Variants in CYB5R4 observed in about 807,000 individuals in gnomAD.
CYB5R4 encodes the protein N-terminal cytochrome b5 and cytochrome b5 oxidoreductase domain-containing protein.
In CYB5R4, 55 loss-of-function variants were observed where a neutral mutation model predicts 70.2. The ratio of observed to expected loss-of-function variants is 0.78; its 90% CI spans 0.63 to 0.98. The LOEUF (loss-of-function observed/expected upper bound fraction) is 0.98, where lower values mean the gene tolerates loss of function less well. Ranked by LOEUF, CYB5R4 falls within the 50% of genes least tolerant of loss-of-function variation. The probability of loss-of-function intolerance (pLI) is 0.00; values close to 1 mark genes in which losing one functional copy is unlikely to be tolerated. For missense variants in CYB5R4, 562 were observed against 612.6 expected (o/e 0.92, Z 0.87); for synonymous variants, 197 against 199.5 (o/e 0.99, Z 0.11).
At chr6:83,943,926 A>G (rs2099470162) in intron 14 of CYB5R4, among the ~76,000 whole-genome samples, 1 of 152,146 alleles carries the variant, frequency 6.6e-6, no homozygotes, top group Non-Finnish European at 1.5e-5. Context: ...ATGAAAAGGA[A>G]TGAACAAAGC....
intron 7 of CYB5R4, among the ~76,000 whole-genome samples, chr6:83,919,725 T>TA (rs2099466061): frequency 6.6e-6 from 1 of 151,592 alleles, no homozygotes; most frequent in South Asian, 2.1e-4. Context: ...TATAGCCTCT[T>TA]AAAAATCAGA....
chr6:83,950,855 TGTA>T (rs1392817712), intron 14 of CYB5R4, among the ~76,000 whole-genome samples: 2 of 152,214 alleles, frequency 1.3e-5, no homozygotes, highest in African/African-American at 4.8e-5. Flanking sequence ...TTTAAAATAA[TGTA>T]GTCATACTAA....
chr6:83,878,142 G>A (rs1482001562), intron 2 of CYB5R4, among the ~76,000 whole-genome samples: 2 of 151,302 alleles, frequency 1.3e-5, no homozygotes, highest in Non-Finnish European at 2.9e-5. Flanking sequence ...CTTTCAATTT[G>A]CTATTTCCTT....
At chr6:83,872,372 C>G (rs7757989) in intron 2 of CYB5R4, among the ~76,000 whole-genome samples, 6,258 of 152,220 alleles carry the variant, frequency 0.041, 438 homozygotes, top group African/African-American at 0.14. Flanking sequence ...GGTAGGTCCT[C>G]CATTTCACAG....
intron 3 of CYB5R4, among the ~76,000 whole-genome samples, chr6:83,897,416 A>C (rs1454788596): frequency 6.6e-6 from 1 of 152,218 alleles, no homozygotes; most frequent in Non-Finnish European, 1.5e-5. Flanking sequence ...TATACCCAGT[A>C]ATGGGATGGC....
intron 3 of CYB5R4, among the ~76,000 whole-genome samples, chr6:83,897,786 A>T (rs974379641): frequency 7.2e-5 from 11 of 151,978 alleles, no homozygotes; most frequent in African/African-American, 2.4e-4. Context: ...TAGATTCTGG[A>T]TATTAGCCCT....
intron 5 of CYB5R4, among the ~76,000 whole-genome samples, chr6:83,916,555 C>T (rs1008394731): frequency 6.6e-6 from 1 of 152,116 alleles, no homozygotes; most frequent in African/African-American, 2.4e-5. Flanking sequence ...TAGTAGAGCA[C>T]TCTTCTTTTA....
intron 12 of CYB5R4, 62 bp from the exon 13 acceptor site, chr6:83,939,994 G>A (rs2099469503): frequency 8.6e-6 from 11 of 1,279,848 alleles, no homozygotes; most frequent in Non-Finnish European, 1.2e-5. Flanking sequence ...TTTCCCCGCT[G>A]GGTTTTTTGT....
intron 2 of CYB5R4, among the ~76,000 whole-genome samples, chr6:83,876,595 TAAC>T (rs1402718560): frequency 6.6e-6 from 1 of 151,888 alleles, no homozygotes; most frequent in Non-Finnish European, 1.5e-5. Flanking sequence ...TATAGTATAA[TAAC>T]CTTTTAATAA....
At chr6:83,913,941 A>G (rs1212715696) in intron 4 of CYB5R4, among the ~76,000 whole-genome samples, 2 of 152,142 alleles carry the variant, frequency 1.3e-5, no homozygotes, top group Non-Finnish European at 2.9e-5. Flanking sequence ...AAATCTGAAC[A>G]TATTTTAAAC....
chr6:83,938,837 T>TA (rs1453229485), intron 12 of CYB5R4, among the ~76,000 whole-genome samples: 2 of 144,298 alleles, frequency 1.4e-5, no homozygotes, highest in African/African-American at 5.4e-5. Flanking sequence ...TTATTATTAT[T>TA]TTTTTTTTTT....
At chr6:83,865,671 A>G (rs2099456615) in intron 2 of CYB5R4, among the ~76,000 whole-genome samples, 1 of 152,050 alleles carries the variant, frequency 6.6e-6, no homozygotes, top group South Asian at 2.1e-4. Context: ...ATCTGTAACA[A>G]CCCTATATCC....
rs996306407 is a variant in CYB5R4, at chr6:83,893,604, T to C, written c.312T>C (p.Gly104=). 1.2e-6 allele frequency: 2 copies of C among 1,610,934 alleles called. No individual in the cohort carries two copies. The highest frequency in any genetic ancestry group is 1.7e-6 in the Non-Finnish European group (2 of 1,177,420). Residue 104 remains glycine (G), a synonymous_variant, in exon 3 of 16, where the codon GGT becomes GGC. Transcript: ENST00000369681. The stretch of plus-strand genomic sequence containing the variant: ...TAATGAGAGCAGCAGGATCAGATGG[T>C]ACTGAACTTTTTGATCAGGTAAGAT... The part of the protein sequence containing the change: ...DELMRAAGSD[G]TELFDQVHRW...
chr6:83,960,000 T>A lies in CYB5R4; in HGVS notation c.*122T>A. The A allele has an allele frequency of 1.4e-6, 1 of 705,042 alleles. No homozygotes were observed. Among genetic ancestry groups the A allele is most frequent in the Non-Finnish European group, 2.2e-6 (1 of 455,654 alleles). 43.7% of individuals were successfully genotyped at this position (705,042 alleles called of 1,614,324 possible). A position where few individuals can be genotyped will look rare whatever the true frequency, so the allele number is the denominator to read the frequency against. ...AACTAGAATCCAGCCTTCAGTTTCT[T>A]AAATGAAATCAAATGTTCCTTCAGT... On this transcript the variant is annotated 3_prime_UTR_variant, in exon 16 of 16. Coordinates refer to ENST00000369681, the MANE Select transcript of CYB5R4 (RefSeq NM_016230.4).
chr6:83,943,339 C>T (rs117576516), intron 14 of CYB5R4, among the ~76,000 whole-genome samples: 5,197 of 152,134 alleles, frequency 0.034, 136 homozygotes, highest in Non-Finnish European at 0.052. Flanking sequence ...AGTGGACTCC[C>T]GGCAAACTCC....
rs762969591 is a variant in CYB5R4 at position 83,906,551 on chromosome 6, A to G, written c.331-2458A>G. On this transcript the variant is annotated intron_variant, in intron 3 of 15. Transcript: ENST00000369681. Reference sequence around the variant, plus strand: ...TTGCATGAGTCCATGGTGGGAATGTAGACTGCTAAAGTTCTCCAACCTGAG... The same window carrying G: ...TTGCATGAGTCCATGGTGGGAATGTGGACTGCTAAAGTTCTCCAACCTGAG... Among the ~76,000 whole-genome samples, 5 of 152,182 alleles carry G rather than the reference A, an allele frequency of 3.3e-5. No homozygotes were observed. In the South Asian group the frequency reaches 8.3e-4, roughly 25 times the overall value.
chr6:83,938,354 A>G (rs2099469238), intron 12 of CYB5R4, among the ~76,000 whole-genome samples: 1 of 152,226 alleles, frequency 6.6e-6, no homozygotes, highest in South Asian at 2.1e-4. Flanking sequence ...AACAAGATGA[A>G]GTATTATTTC....
chr6:83,903,170 T>A (rs2099463264), intron 3 of CYB5R4, among the ~76,000 whole-genome samples: 1 of 152,096 alleles, frequency 6.6e-6, no homozygotes, highest in Non-Finnish European at 1.5e-5. Flanking sequence ...ATATATGGCC[T>A]TTTATTATTT....
intron 3 of CYB5R4, among the ~76,000 whole-genome samples, chr6:83,903,895 C>A (rs1264359795): frequency 6.6e-6 from 1 of 151,908 alleles, no homozygotes; most frequent in Non-Finnish European, 1.5e-5. Flanking sequence ...GTGTTGTCTC[C>A]TTTTCATTTC....
Sources: gnomAD v4.1 joint callset for allele counts (sites outside exome capture counted in the v4.1 genomes callset) on GRCh38, gnomAD v4.1.1 for gene constraint, MANE v1.5 for transcripts, NCBI Gene and HGNC (gene_info 2026-07-23, HGNC 2026-07-21) for gene names.